Variants in PPP3CA observed in about 807,000 individuals in gnomAD.
The protein encoded by PPP3CA is protein phosphatase 3 catalytic subunit alpha.
A neutral mutation model predicts 66.5 loss-of-function variants in PPP3CA; 14 were observed. That is an observed-to-expected ratio of 0.21 (90% CI 0.14 to 0.33). The LOEUF is 0.33. Ranked by LOEUF, PPP3CA falls within the 10% of genes least tolerant of loss-of-function variation. PPP3CA has a pLI of 1.00. For missense variants in PPP3CA, 317 were observed against 639.5 expected (o/e 0.50, Z 5.44); for synonymous variants, 232 against 226.2 (o/e 1.03, Z -0.23).
intron 1 of PPP3CA, among the ~76,000 whole-genome samples, chr4:101,278,976 A>G (rs538292100): frequency 6.6e-6 from 1 of 152,196 alleles, no homozygotes; most frequent in Non-Finnish European, 1.5e-5. Context: ...AAAACCGATC[A>G]ATTTCCCAAT....
At chr4:101,301,459 A>AT (rs1165487383) in intron 1 of PPP3CA, among the ~76,000 whole-genome samples, 1 of 146,388 alleles carries the variant, frequency 6.8e-6, no homozygotes, top group African/African-American at 2.5e-5. Context: ...AAATTTATAT[A>AT]TTATATATAT....
intron 1 of PPP3CA, among the ~76,000 whole-genome samples, chr4:101,260,169 A>C (rs1406863790): frequency 2.6e-5 from 4 of 152,116 alleles, no homozygotes; most frequent in African/African-American, 9.7e-5. Flanking sequence ...AAAGGTGCAA[A>C]CTGCTATTCT....
chr4:101,198,219 T>C (rs1212938946), intron 1 of PPP3CA, among the ~76,000 whole-genome samples: 1 of 152,186 alleles, frequency 6.6e-6, no homozygotes, highest in Non-Finnish European at 1.5e-5. Context: ...CTGCTCTCCC[T>C]GCTTTTCCTC....
chr4:101,036,804 A>C (rs1727273996), intron 11 of PPP3CA, among the ~76,000 whole-genome samples: 1 of 152,218 alleles, frequency 6.6e-6, no homozygotes, highest in Non-Finnish European at 1.5e-5. Context: ...AATTCAGTGC[A>C]TCCTACTCTT....
chr4:101,186,945 T>C (rs564885337), intron 2 of PPP3CA, among the ~76,000 whole-genome samples: 1 of 152,252 alleles, frequency 6.6e-6, no homozygotes, highest in Middle Eastern at 3.4e-3. Flanking sequence ...TTACTACTCA[T>C]TGGGCATATC....
intron 2 of PPP3CA, among the ~76,000 whole-genome samples, chr4:101,149,007 T>G (rs1014773039): frequency 6.6e-6 from 1 of 152,150 alleles, no homozygotes; most frequent in Non-Finnish European, 1.5e-5. Context: ...TTTTTAAAAT[T>G]TGTGTCTTGT....
intron 10 of PPP3CA, among the ~76,000 whole-genome samples, chr4:101,048,508 C>CAA (rs1727866356): frequency 7.2e-5 from 2 of 27,722 alleles, no homozygotes; most frequent in African/African-American, 2.1e-4. Context: ...CTTTCTCTCA[C>CAA]CAAAAAAAAA....
intron 1 of PPP3CA, among the ~76,000 whole-genome samples, chr4:101,324,027 C>G (rs1729120866): frequency 6.6e-6 from 1 of 151,982 alleles, no homozygotes; most frequent in African/African-American, 2.4e-5. Flanking sequence ...GCACAAGAAT[C>G]ACTTGAACCT....
At chr4:101,341,254 T>A (rs1308718545) in intron 1 of PPP3CA, among the ~76,000 whole-genome samples, 4 of 150,420 alleles carry the variant, frequency 2.7e-5, no homozygotes, top group Admixed American at 2.0e-4. Context: ...TTGCCCAAGC[T>A]TCCACCTCAG....
chr4:101,137,030 G>A (rs1197157426), intron 2 of PPP3CA, among the ~76,000 whole-genome samples: 1 of 152,034 alleles, frequency 6.6e-6, no homozygotes, highest in Non-Finnish European at 1.5e-5. Context: ...TGAGAACCAG[G>A]CAAATTTCAT....
At chr4:101,108,763 C>T (rs139177339) in intron 3 of PPP3CA, among the ~76,000 whole-genome samples, 191 bp downstream of exon 3, 18 of 152,156 alleles carry the variant, frequency 1.2e-4, no homozygotes, top group Middle Eastern at 3.4e-3. Context: ...AGTGAGACTC[C>T]GTCTCAAAAA....
intron 1 of PPP3CA, among the ~76,000 whole-genome samples, chr4:101,302,754 C>A (rs1254077004): frequency 6.6e-6 from 1 of 152,170 alleles, no homozygotes; most frequent in Admixed American, 6.5e-5. Context: ...AAGGGAGAAA[C>A]TGAGTCCCAG....
At chr4:101,093,993 T>G in intron 5 of PPP3CA, 78 bp from the exon 6 acceptor site, 1 of 1,342,622 alleles carries the variant, frequency 7.4e-7, no homozygotes, top group Non-Finnish European at 1.0e-6. Context: ...AAACAAGCAC[T>G]GTGCAGAACC....
chr4:101,326,197 A>G (rs927330554), intron 1 of PPP3CA, among the ~76,000 whole-genome samples: 8 of 152,230 alleles, frequency 5.3e-5, no homozygotes, highest in African/African-American at 1.9e-4. Context: ...TCTATGGGAT[A>G]GGTATATGTG....
chr4:101,074,103 T>C (rs964788442), intron 8 of PPP3CA, among the ~76,000 whole-genome samples: 1 of 152,204 alleles, frequency 6.6e-6, no homozygotes, highest in Non-Finnish European at 1.5e-5. Flanking sequence ...AAAAAAGTGC[T>C]TTAAAAGTCA....
chr4:101,130,166 C>T (rs181903479), intron 2 of PPP3CA, among the ~76,000 whole-genome samples: 1 of 151,774 alleles, frequency 6.6e-6, no homozygotes, highest in East Asian at 1.9e-4. Context: ...AGAAGATCAC[C>T]TTAATGAAAC....
In PPP3CA at chr4:101,109,570, T is replaced by C. The variant is rs998399744; in HGVS notation, c.260-492A>G. ...ACTGCCTCCTGAAGAGAAAGAAATG[T>C]AGATATGTATCATAAAACCTGCATT... On this transcript the variant is annotated intron_variant, in intron 2 of 13. Transcript: ENST00000394854. Among the ~76,000 whole-genome samples the C allele has an allele frequency of 6.7e-5, 10 of 150,082 alleles. 1 individual carries two copies. Among genetic ancestry groups the C allele is most frequent in the African/African-American group, 2.5e-4 (10 of 40,760 alleles).
intron 2 of PPP3CA, among the ~76,000 whole-genome samples, chr4:101,181,160 G>A (rs1724224527): frequency 6.6e-6 from 1 of 151,832 alleles, no homozygotes; most frequent in Admixed American, 6.6e-5. Context: ...CCCTTTACTA[G>A]CTTTTCATGA....
intron 2 of PPP3CA, among the ~76,000 whole-genome samples, chr4:101,167,850 T>A (rs183600488): frequency 6.6e-6 from 1 of 151,954 alleles, no homozygotes; most frequent in East Asian, 1.9e-4. Context: ...CTGAGGTGAA[T>A]GAACAAGGGT....
Sources: allele counts gnomAD v4.1 joint callset (sites outside exome capture counted in the v4.1 genomes callset), GRCh38; gene constraint gnomAD v4.1.1; transcripts MANE v1.5; gene names NCBI Gene and HGNC (gene_info 2026-07-23, HGNC 2026-07-21).